Variants in UBE2F observed in about 807,000 individuals in gnomAD.
UBE2F encodes ubiquitin conjugating enzyme E2 F (putative).
A neutral mutation model predicts 29.6 loss-of-function variants in UBE2F; 5 were observed. The observed-to-expected ratio is 0.17, with a 90% CI of 0.09 to 0.36. UBE2F has a LOEUF of 0.36. UBE2F is among the 10% of genes least tolerant of loss of function. UBE2F has a pLI of 1.00. For synonymous variants in UBE2F, 66 were observed against 81.8 expected (o/e 0.81, Z 1.04); for missense variants, 141 against 228.5 (o/e 0.62, Z 2.47).
intron 4 of UBE2F, among the ~76,000 whole-genome samples, chr2:237,995,330 A>G (rs2063669373): frequency 6.6e-6 from 1 of 152,234 alleles, no homozygotes; most frequent in Admixed American, 6.5e-5. Flanking sequence ...ATAAGTGTCT[A>G]ATCCCTAAGC....
chr2:237,978,569 C>A (rs1228032743), intron 2 of UBE2F, among the ~76,000 whole-genome samples: 3 of 152,222 alleles, frequency 2.0e-5, no homozygotes, highest in Non-Finnish European at 4.4e-5. Flanking sequence ...CAGATGGCCG[C>A]AAGGGCTCCC....
chr2:237,995,346 C>T (rs554424779), intron 4 of UBE2F, among the ~76,000 whole-genome samples: 1 of 152,350 alleles, frequency 6.6e-6, no homozygotes, highest in South Asian at 2.1e-4. Flanking sequence ...TAAGCTGCCC[C>T]AGCATGGCAA....
chr2:237,973,008 C>A, intron 1 of UBE2F, 84 bp from the exon 2 acceptor site: 1 of 1,425,408 alleles, frequency 7.0e-7, no homozygotes, highest in Non-Finnish European at 9.4e-7. Flanking sequence ...AATCAAAATA[C>A]AAAAGCACTT....
chr2:238,022,175 C>CTTTTTTTTT (rs1162304454), intron 5 of UBE2F, among the ~76,000 whole-genome samples: 12 of 63,350 alleles, frequency 1.9e-4, no homozygotes, highest in Admixed American at 3.7e-4. Flanking sequence ...CTTTTCTTTT[C>CTTTTTTTTT]TTTTTTTTTT....
chr2:237,986,168 T>C, intron 2 of UBE2F: 3 of 381,876 alleles, frequency 7.9e-6, no homozygotes, highest in African/African-American at 2.3e-5. Context: ...TGAGACGGGG[T>C]CTCACTCTGT....
At chr2:237,996,091 A>G (rs946300284) in intron 4 of UBE2F, among the ~76,000 whole-genome samples, 2 of 152,200 alleles carry the variant, frequency 1.3e-5, no homozygotes, top group African/African-American at 4.8e-5. Context: ...TTCCTAAAAC[A>G]CATTGCATAT....
chr2:237,986,253 G>T, intron 2 of UBE2F: 1 of 313,354 alleles, frequency 3.2e-6, no homozygotes, highest in Non-Finnish European at 6.2e-6. Flanking sequence ...AGGCTCAGGT[G>T]ATCCTCCCAC....
chr2:237,978,388 G>A (rs1430393390), intron 2 of UBE2F, among the ~76,000 whole-genome samples: 3 of 152,186 alleles, frequency 2.0e-5, no homozygotes, highest in Non-Finnish European at 2.9e-5. Flanking sequence ...CCTGGGGAGG[G>A]GTGCGAGGAA....
chr2:237,977,623 A>G (rs928722272), intron 2 of UBE2F, among the ~76,000 whole-genome samples: 14 of 152,062 alleles, frequency 9.2e-5, no homozygotes, highest in Admixed American at 8.5e-4. Context: ...CTGGCCTTCT[A>G]TCCTCTGGGG....
intron 3 of UBE2F, among the ~76,000 whole-genome samples, chr2:237,990,879 G>A (rs2063574271): frequency 1.3e-5 from 2 of 152,076 alleles, no homozygotes; most frequent in South Asian, 4.1e-4. Flanking sequence ...GCCTCCTAAA[G>A]AGCTGAGATG....
At chr2:237,970,900 A>G (rs966172725) in intron 1 of UBE2F, among the ~76,000 whole-genome samples, 1 of 152,014 alleles carries the variant, frequency 6.6e-6, no homozygotes, top group Non-Finnish European at 1.5e-5. Flanking sequence ...TTTAGTGGAG[A>G]TGGGGTTTTG....
In UBE2F at chr2:237,967,019, C is replaced by A; in HGVS notation, c.-130C>A. The A allele has an allele frequency of 1.6e-6, 2 of 1,261,322 alleles. No individual in the cohort carries two copies. Among genetic ancestry groups the A allele is most frequent in the South Asian group, 2.2e-5 (1 of 45,312 alleles). 78.1% of individuals were successfully genotyped at this position (1,261,322 alleles called of 1,614,324 possible). A position where few individuals can be genotyped will look rare whatever the true frequency, so the allele number is the denominator to read the frequency against. On this transcript the variant is annotated 5_prime_UTR_variant, in exon 1 of 10. Transcript: ENST00000272930. This position sits in a 1 kb window ranked among gnomAD's most constrained non-coding sequence, Gnocchi z 6.3. ...GGCCGAGTCCCCGCCCCGCCACTTC[C>A]GGTCCCGCCGCCGGGAGCCGGTGCG...
rs564255138 is a variant in UBE2F at position 238,024,607 on chromosome 2, G to A, written c.283-735G>A. ...AATCCTCCCACCTCGACCTCCCAAA[G>A]TGCTGAGATTTTTTTCTCCTGGGTA... On this transcript the variant is annotated intron_variant, in intron 5 of 9. Coordinates refer to ENST00000272930, the MANE Select transcript of UBE2F (RefSeq NM_080678.3). Among the ~76,000 whole-genome samples the A allele has an allele frequency of 5.9e-5, 9 of 152,096 alleles. No individual in the cohort carries two copies. The East Asian group carries it at 1.7e-3, about 29-fold the overall frequency.
At chr2:238,033,807 G>T (rs1437900451) in intron 8 of UBE2F, among the ~76,000 whole-genome samples, 1 of 152,224 alleles carries the variant, frequency 6.6e-6, no homozygotes, top group Non-Finnish European at 1.5e-5. Flanking sequence ...GCTGGTCTTA[G>T]CCACTTTGTT....
chr2:238,014,815 A>G (rs1335906767), intron 4 of UBE2F, among the ~76,000 whole-genome samples: 3 of 152,214 alleles, frequency 2.0e-5, no homozygotes, highest in African/African-American at 7.2e-5. Context: ...GAACAAGGAT[A>G]TGTACTCTGA....
At chr2:237,974,524 T>TG (rs2063238920) in intron 2 of UBE2F, among the ~76,000 whole-genome samples, 2 of 143,444 alleles carry the variant, frequency 1.4e-5, no homozygotes, top group Admixed American at 1.4e-4. Flanking sequence ...TGTTTTTTTT[T>TG]TTTTTTTGAG....
intron 4 of UBE2F, among the ~76,000 whole-genome samples, chr2:237,996,642 AT>A (rs1221069780): frequency 2.0e-5 from 3 of 151,850 alleles, no homozygotes; most frequent in Non-Finnish European, 2.9e-5. Context: ...TGCCCAGCTA[AT>A]TTTTGTATTT....
chr2:238,024,471 G>A (rs1288100707), intron 5 of UBE2F, among the ~76,000 whole-genome samples: 1 of 152,036 alleles, frequency 6.6e-6, no homozygotes, highest in Admixed American at 6.6e-5. Flanking sequence ...TCAGCCTCCT[G>A]AGTAGCTGGG....
At chr2:237,990,398 TA>T in intron 3 of UBE2F, 1 of 455,690 alleles carries the variant, frequency 2.2e-6, no homozygotes, top group Admixed American at 2.5e-5. Context: ...TATATACATG[TA>T]AACCTTTTTT....
Sources: allele counts gnomAD v4.1 joint callset (sites outside exome capture counted in the v4.1 genomes callset), GRCh38; gene constraint gnomAD v4.1.1; non-coding constraint Gnocchi (gnomAD v3.1); transcripts MANE v1.5; gene names NCBI Gene and HGNC (gene_info 2026-07-23, HGNC 2026-07-21).